The following AGBL4 variants were observed in gnomAD, a reference collection of about 807,000 sequenced individuals.
AGBL4 encodes the protein cytosolic carboxypeptidase 6.
AGBL4 carries 58 observed loss-of-function variants against 66.4 expected under a neutral mutation model. The observed-to-expected ratio is 0.87, with a 90% CI of 0.71 to 1.09. The LOEUF is 1.09. Ranked by LOEUF, AGBL4 falls within the 50% of genes least tolerant of loss-of-function variation. The pLI is 0.00. For missense variants in AGBL4, 579 were observed against 631.0 expected (o/e 0.92, Z 0.88); for synonymous variants, 234 against 222.9 (o/e 1.05, Z -0.44).
At chr1:49,043,271 T>C (rs1643991644) in intron 5 of AGBL4, among the ~76,000 whole-genome samples, 1 of 152,164 alleles carries the variant, frequency 6.6e-6, no homozygotes, top group South Asian at 2.1e-4. Flanking sequence ...ATAAATGGGC[T>C]CCTTTGTTCT....
chr1:49,950,052 G>A (rs12728591), intron 1 of AGBL4, among the ~76,000 whole-genome samples: 1 of 132,510 alleles, frequency 7.5e-6, no homozygotes, highest in Non-Finnish European at 1.6e-5. Flanking sequence ...ACACATATGT[G>A]TATATATACA....
At chr1:49,108,185 T>A (rs893556062) in intron 4 of AGBL4, among the ~76,000 whole-genome samples, 1 of 152,170 alleles carries the variant, frequency 6.6e-6, no homozygotes, top group East Asian at 1.9e-4. Flanking sequence ...ATCAGAATGT[T>A]CGTATATATT....
At chr1:48,583,372 GTAT>G (rs1233185157) in intron 11 of AGBL4, among the ~76,000 whole-genome samples, 1 of 152,170 alleles carries the variant, frequency 6.6e-6, no homozygotes, top group Non-Finnish European at 1.5e-5. Flanking sequence ...GTGAGGTTAA[GTAT>G]TATTATGTCC....
chr1:49,366,871 C>T (rs1322259890), intron 3 of AGBL4, among the ~76,000 whole-genome samples: 13 of 152,114 alleles, frequency 8.5e-5, no homozygotes, highest in Admixed American at 8.5e-4. Context: ...AGAATTTTTG[C>T]TGGAACAGGA....
intron 4 of AGBL4, among the ~76,000 whole-genome samples, chr1:49,163,901 C>A (rs958745348): frequency 2.0e-5 from 3 of 152,086 alleles, no homozygotes; most frequent in African/African-American, 7.2e-5. Flanking sequence ...AGCAAAAGCA[C>A]TGGGCTGCGA....
At chr1:49,148,414 C>A (rs954084769) in intron 4 of AGBL4, among the ~76,000 whole-genome samples, 1 of 152,094 alleles carries the variant, frequency 6.6e-6, no homozygotes, top group African/African-American at 2.4e-5. Flanking sequence ...CCCTACCTAC[C>A]TATTGTGGGT....
chr1:48,656,350 C>A (rs1304075202), intron 7 of AGBL4, among the ~76,000 whole-genome samples: 1 of 152,156 alleles, frequency 6.6e-6, no homozygotes, highest in African/African-American at 2.4e-5. Context: ...ATGGATTGCT[C>A]CAGGAATTCA....
intron 4 of AGBL4, among the ~76,000 whole-genome samples, chr1:49,147,436 C>T (rs1440307175): frequency 1.3e-5 from 2 of 152,120 alleles, no homozygotes; most frequent in Admixed American, 6.6e-5. Flanking sequence ...AACAAGCTAG[C>T]AAGTTGCCAC....
At chr1:48,759,352 T>C in intron 6 of AGBL4, 1 of 1,507,878 alleles carries the variant, frequency 6.6e-7, no homozygotes, top group Non-Finnish European at 8.9e-7. Flanking sequence ...CAGATCAATA[T>C]TTCCCCAGAC....
chr1:48,766,187 C>T (rs1270349508), intron 6 of AGBL4, among the ~76,000 whole-genome samples: 1 of 152,114 alleles, frequency 6.6e-6, no homozygotes, highest in Non-Finnish European at 1.5e-5. Flanking sequence ...CTCACAACAA[C>T]CTTGCAAGTA....
At chr1:49,386,930 T>C (rs1015785914) in intron 3 of AGBL4, among the ~76,000 whole-genome samples, 3 of 151,924 alleles carry the variant, frequency 2.0e-5, no homozygotes, top group African/African-American at 7.2e-5. Context: ...ATAATATCTA[T>C]CTCATGAGAA....
At chr1:49,572,645 T>A (rs1207658353) in intron 3 of AGBL4, among the ~76,000 whole-genome samples, 1 of 152,220 alleles carries the variant, frequency 6.6e-6, no homozygotes, top group Non-Finnish European at 1.5e-5. Context: ...CATAGAGCTA[T>A]TTATAGTATT....
At chr1:49,177,640 T>C (rs1646856302) in intron 4 of AGBL4, among the ~76,000 whole-genome samples, 1 of 152,102 alleles carries the variant, frequency 6.6e-6, no homozygotes, top group Non-Finnish European at 1.5e-5. Context: ...GAGTGCCATG[T>C]CTTCTGCCTG....
At chr1:49,245,709 T>C (rs969109572) in intron 4 of AGBL4, 61 bp downstream of exon 4, 2 of 1,250,204 alleles carry the variant, frequency 1.6e-6, no homozygotes, top group African/African-American at 3.0e-5. Context: ...GGTGTGTATA[T>C]GTATGGGGTC....
chr1:49,806,398 A>G (rs1442120161), intron 2 of AGBL4, among the ~76,000 whole-genome samples: 1 of 152,248 alleles, frequency 6.6e-6, no homozygotes, highest in Non-Finnish European at 1.5e-5. Flanking sequence ...TGTTGAAGGT[A>G]GAACTTGTGA....
At chr1:49,333,245 C>G (rs1645370091) in intron 3 of AGBL4, among the ~76,000 whole-genome samples, 1 of 152,072 alleles carries the variant, frequency 6.6e-6, no homozygotes, top group African/African-American at 2.4e-5. Context: ...TTTGGGAGGC[C>G]AAGGCGGGTG....
At chr1:49,554,640 C>A (rs1160093120) in intron 3 of AGBL4, among the ~76,000 whole-genome samples, 1 of 152,158 alleles carries the variant, frequency 6.6e-6, no homozygotes, top group Non-Finnish European at 1.5e-5. Flanking sequence ...ATTGTCCCGC[C>A]CACAAATGTG....
chr1:49,495,476 T>C (rs778762852), intron 3 of AGBL4, among the ~76,000 whole-genome samples: 2 of 151,926 alleles, frequency 1.3e-5, no homozygotes, highest in African/African-American at 4.8e-5. Flanking sequence ...AGCCCTGTCT[T>C]AAAGCATGAA....
At chr1:49,328,322 G>A (rs961488695) in intron 3 of AGBL4, among the ~76,000 whole-genome samples, 13 of 152,290 alleles carry the variant, frequency 8.5e-5, no homozygotes, top group Middle Eastern at 3.4e-3. Flanking sequence ...GTTATAATAA[G>A]TATTAGTGGA....
Sources: gnomAD v4.1 joint callset for allele counts (sites outside exome capture counted in the v4.1 genomes callset) on GRCh38, gnomAD v4.1.1 for gene constraint, MANE v1.5 for transcripts, NCBI Gene and HGNC (gene_info 2026-07-23, HGNC 2026-07-21) for gene names.